TMEM131L: variants seen among roughly 807,000 people sequenced by gnomAD.
TMEM131L encodes the protein transmembrane protein 131-like.
In TMEM131L, 54 loss-of-function variants were observed where a neutral mutation model predicts 192.2. That is an observed-to-expected ratio of 0.28 (90% CI 0.23 to 0.35). The LOEUF (loss-of-function observed/expected upper bound fraction) is 0.35. Ranked by LOEUF, TMEM131L falls within the 10% of genes least tolerant of loss-of-function variation. TMEM131L has a pLI of 1.00. For missense variants in TMEM131L, 1,888 were observed against 1,972.9 expected, an observed-to-expected ratio of 0.96 and a Z score of 0.82; for synonymous variants, 701 against 704.9, an observed-to-expected ratio of 0.99 and a Z score of 0.09.
chr4:153,507,317 A>T (rs1291630832), intron 3 of TMEM131L, among the ~76,000 whole-genome samples: 4 of 152,170 alleles, frequency 2.6e-5, no homozygotes, highest in Non-Finnish European at 4.4e-5. Context: ...GCAAACCCTG[A>T]AGGACTAACT....
rs1578803431 is a variant in TMEM131L, at chr4:153,585,589, A to G, written c.1289A>G (p.Lys430Arg). The part of the protein sequence containing the change: ...SVVLNDVFLS[K>R]ETKHMLKILN... ...GTATTAAATGATGTGTTTCTTTCCAAGGAGACCAAGCACATGTTAAAGGTA... is the reference window on the plus strand; with the variant it reads ...GTATTAAATGATGTGTTTCTTTCCAGGGAGACCAAGCACATGTTAAAGGTA... The change falls in exon 13 of 35, where the codon AAG (lysine) becomes AGG (arginine). Residue 430 changes from lysine to arginine, a missense_variant. Transcript: ENST00000409959. The G allele has an allele frequency of 3.1e-6, 5 of 1,613,668 alleles. No homozygotes were observed. The highest frequency in any genetic ancestry group is 4.2e-6 in the Non-Finnish European group (5 of 1,179,784).
intron 3 of TMEM131L, among the ~76,000 whole-genome samples, chr4:153,532,692 C>T (rs1182327750): frequency 6.6e-6 from 1 of 151,576 alleles, no homozygotes. Context: ...TCATCTTCAG[C>T]CTTTTGCAAA....
chr4:153,511,531 A>C (rs1204547405), intron 3 of TMEM131L, among the ~76,000 whole-genome samples: 3 of 152,206 alleles, frequency 2.0e-5, no homozygotes, highest in African/African-American at 7.2e-5. Flanking sequence ...TACTAAGCTT[A>C]GTAGCTGGGT....
chr4:153,593,674 T>G, intron 18 of TMEM131L, 125 bp from the exon 19 acceptor site: 1 of 643,480 alleles, frequency 1.6e-6, no homozygotes, highest in Non-Finnish European at 2.9e-6. Context: ...GGGATGAATT[T>G]TGTGTGTATG....
At chr4:153,516,898 C>T (rs1734773897) in intron 3 of TMEM131L, among the ~76,000 whole-genome samples, 1 of 152,128 alleles carries the variant, frequency 6.6e-6, no homozygotes, top group Non-Finnish European at 1.5e-5. Context: ...GCGATCTTGG[C>T]TCACTGCAAC....
chr4:153,587,507 G>A (rs888971067), intron 14 of TMEM131L, among the ~76,000 whole-genome samples: 5 of 152,054 alleles, frequency 3.3e-5, no homozygotes, highest in Non-Finnish European at 7.4e-5. Context: ...GTGGGCCCAA[G>A]GGTCATTATT....
At position 153,508,579 on chromosome 4, in the gene TMEM131L, A is replaced by T. The variant is rs9992131; in HGVS notation, c.239+34691A>T. On this transcript the variant is annotated intron_variant, in intron 3 of 34. Coordinates refer to ENST00000409959, the MANE Select transcript of TMEM131L (RefSeq NM_001131007.2). ...CTTTATTCTCACATCTGTATCGTTG[A>T]TAATGTTTTCCACTAAATAGACTCC... is the stretch of plus-strand genomic sequence containing the variant. Among the ~76,000 whole-genome samples, 1,104 of 152,252 alleles carry T rather than the reference A, an allele frequency of 7.3e-3. 13 individuals carry two copies. The highest frequency in any genetic ancestry group is 0.025 in the African/African-American group (1,052 of 41,554).
rs776771238 is a variant in TMEM131L, at chr4:153,579,576, A to G, written c.661-1250A>G. On this transcript the variant is annotated intron_variant, in intron 7 of 34. Transcript: ENST00000409959. ...AGCCTTGACCTCTTGGGCTCAATCA[A>G]TCATCCCACCTCAGCCTTCCTAGTA... Among the ~76,000 whole-genome samples, 13 of 152,310 alleles carry G rather than the reference A, an allele frequency of 8.5e-5. No individual in the cohort carries two copies. The South Asian group carries it at 1.5e-3, about 17-fold the overall frequency.
rs1578849123 is a variant in TMEM131L, at chr4:153,604,552, A to G, written c.3418+122A>G. On this transcript the variant is annotated intron_variant, in intron 25 of 34. Transcript: ENST00000409959. ...GATGCTGAGTTTTAGCAAAGGTTTA[A>G]ATATTGAAAAAAGACAAAATGAAAA... 2.1e-5 allele frequency: 21 copies of G among 1,004,780 alleles called. No individual in the cohort carries two copies. In the East Asian group the frequency reaches 5.1e-4, roughly 25 times the overall value. The allele number at this position is 1,004,780 out of a possible 1,614,324, so 62.2% of individuals were successfully genotyped here.
intron 7 of TMEM131L, among the ~76,000 whole-genome samples, chr4:153,578,345 C>T (rs1730098547): frequency 6.6e-6 from 1 of 151,880 alleles, no homozygotes; most frequent in Admixed American, 6.6e-5. Context: ...TCAGCCTGGG[C>T]AGTATAACAA....
At chr4:153,619,766 G>A (rs996667167) in intron 26 of TMEM131L, among the ~76,000 whole-genome samples, 1 of 152,168 alleles carries the variant, frequency 6.6e-6, no homozygotes, top group Non-Finnish European at 1.5e-5. Flanking sequence ...TACTCTGATT[G>A]CTGGGCCAAC....
At chr4:153,598,538 T>G in intron 20 of TMEM131L, 52 bp from the exon 21 acceptor site, 1 of 1,474,934 alleles carries the variant, frequency 6.8e-7, no homozygotes, top group Non-Finnish European at 9.4e-7. Context: ...AAGTACATTG[T>G]ACCTTGTGAC....
chr4:153,594,960 A>T (rs1472146944), intron 19 of TMEM131L, among the ~76,000 whole-genome samples: 1 of 152,214 alleles, frequency 6.6e-6, no homozygotes, highest in Non-Finnish European at 1.5e-5. Context: ...AATTCCAAAA[A>T]TAATGCCCGT....
At chr4:153,506,040 G>T (rs1442805431) in intron 3 of TMEM131L, among the ~76,000 whole-genome samples, 1 of 152,170 alleles carries the variant, frequency 6.6e-6, no homozygotes, top group Non-Finnish European at 1.5e-5. Flanking sequence ...AGTATTTGAA[G>T]TAGAACTAAC....
intron 2 of TMEM131L, 79 bp from the exon 3 acceptor site, chr4:153,473,766 T>G (rs1303235479): frequency 5.0e-6 from 6 of 1,199,422 alleles, no homozygotes; most frequent in Non-Finnish European, 7.1e-6. Context: ...TACTCCAGCC[T>G]GGGTGACAGA....
intron 3 of TMEM131L, among the ~76,000 whole-genome samples, chr4:153,532,995 T>C (rs1275644566): frequency 6.6e-6 from 1 of 151,456 alleles, no homozygotes; most frequent in African/African-American, 2.4e-5. Flanking sequence ...TTTTTTTTTT[T>C]TTTTTTTGAG....
At chr4:153,576,048 C>T (rs1178560182) in intron 7 of TMEM131L, among the ~76,000 whole-genome samples, 8 of 152,188 alleles carry the variant, frequency 5.3e-5, no homozygotes, top group African/African-American at 1.7e-4. Flanking sequence ...CAAGCTCTGC[C>T]TCCCAGGTTC....
Position 153,636,461 on chromosome 4 carries a change from A to G in TMEM131L, c.4718A>G (p.Tyr1573Cys). 1 of 1,614,096 alleles carries G rather than the reference A, an allele frequency of 6.2e-7. No homozygotes were observed. The highest frequency in any genetic ancestry group is 8.5e-7 in the Non-Finnish European group (1 of 1,180,016). ...ENQAVVCKEY[Y>C]PGFNPFRAYM... ...CAAGCGGTCGTGTGCAAGGAATACT[A>G]CCCGGGGTTCAACCCGTTTCGCGCC... The change falls in exon 35 of 35, where the codon TAC becomes TGC. Residue 1573 changes from tyrosine to cysteine, a missense_variant. By Grantham distance (194) the Tyr-to-Cys change is radical (BLOSUM62 -2). Transcript: ENST00000409959.
At chr4:153,578,006 A>G (rs1730074573) in intron 7 of TMEM131L, among the ~76,000 whole-genome samples, 5 of 152,220 alleles carry the variant, frequency 3.3e-5, no homozygotes, top group Admixed American at 3.3e-4. Context: ...GGCAGCATCC[A>G]GCATAACTCA....
Sources: gnomAD v4.1 joint callset for allele counts (sites outside exome capture counted in the v4.1 genomes callset) on GRCh38, gnomAD v4.1.1 for gene constraint, MANE v1.5 for transcripts, NCBI Gene and HGNC (gene_info 2026-07-23, HGNC 2026-07-21) for gene names.